KMT5B: variants seen among roughly 807,000 people sequenced by gnomAD.
KMT5B encodes histone-lysine N-methyltransferase KMT5B.
In KMT5B, 10 loss-of-function variants were observed where a neutral mutation model predicts 83.2. The observed-to-expected ratio is 0.12, with a 90% CI of 0.07 to 0.20. The LOEUF is 0.20. Ranked by LOEUF, KMT5B falls within the 10% of genes least tolerant of loss-of-function variation. KMT5B has a pLI of 1.00. For synonymous variants in KMT5B, 349 were observed against 388.8 expected, an observed-to-expected ratio of 0.90 and a Z score of 1.20; for missense variants, 753 against 1,067.2, an observed-to-expected ratio of 0.71 and a Z score of 4.10.
rs906497127 is a variant in KMT5B at position 68,157,305 on chromosome 11, T to C, written c.*383A>G. ...CTTAATATGCTGCTACTATGATTTG[T>C]TTTAAATTATTGTTTAGTCATATAT... On this transcript the variant is annotated 3_prime_UTR_variant, in exon 11 of 11. Transcript: ENST00000304363. 1 of 159,620 alleles carries C rather than the reference T, an allele frequency of 6.3e-6. No homozygotes were observed. Among genetic ancestry groups the C allele is most frequent in the African/African-American group, 2.4e-5 (1 of 41,754 alleles). The allele number at this position is 159,620 out of a possible 1,614,324, so 9.9% of individuals were successfully genotyped here. A position where few individuals can be genotyped will look rare whatever the true frequency, so the allele number is the denominator to read the frequency against.
At chr11:68,211,364 C>T (rs571431976) in intron 1 of KMT5B, among the ~76,000 whole-genome samples, 14 of 152,170 alleles carry the variant, frequency 9.2e-5, no homozygotes, top group South Asian at 4.1e-4. Flanking sequence ...CGCGAGAGCA[C>T]TTGGAAATGA....
rs1236378447 is a variant in KMT5B at position 68,159,052 on chromosome 11, T to C, written c.1294A>G (p.Ile432Val). The C allele has an allele frequency of 1.2e-6, 2 of 1,613,036 alleles. No homozygotes were observed. The highest frequency in any genetic ancestry group is 1.3e-5 in the African/African-American group (1 of 74,858). Residue 432 changes from isoleucine to valine, a missense_variant, in exon 11 of 11, where the codon ATA becomes GTA. Ile to Val is a conservative substitution (Grantham distance 29). Transcript: ENST00000304363. ...SNSTSSKLTHINNSRVPKKLK... is the reference protein window; with the variant it reads ...SNSTSSKLTHVNNSRVPKKLK... ...TTCTTTGGTACCCTGGAATTATTTA[T>C]ATGAGTTAGCTTAGATGAGGTAGAG...
intron 9 of KMT5B, among the ~76,000 whole-genome samples, chr11:68,169,509 C>T (rs1204982773): frequency 6.6e-6 from 1 of 152,200 alleles, no homozygotes; most frequent in Non-Finnish European, 1.5e-5. Context: ...TAACCAGAAA[C>T]CAATTATTGT....
Position 68,202,546 on chromosome 11 carries a change from C to CTTT in KMT5B, c.-77+10589_-77+10591dup, listed in dbSNP as rs71040602. ...TGCCTTCCCTACTAGCTAAGACACA[C>CTTT]TTTTTTTTTTTTTTTTTTTTGAGAC... On this transcript the variant is annotated intron_variant, in intron 1 of 10. Transcript: ENST00000304363. Among the ~76,000 whole-genome samples the CTTT allele has an allele frequency of 1.3e-3, 153 of 121,902 alleles. 2 individuals are homozygous for CTTT. Among genetic ancestry groups the CTTT allele is most frequent in the African/African-American group, 1.5e-3 (48 of 31,828 alleles). 80.0% of individuals were successfully genotyped at this position (121,902 alleles called of 152,430 possible).
chr11:68,160,001 G>C (rs1854714266), intron 10 of KMT5B, among the ~76,000 whole-genome samples: 1 of 152,184 alleles, frequency 6.6e-6, no homozygotes, highest in African/African-American at 2.4e-5. Flanking sequence ...TGACCCTAAT[G>C]GTAATGACAA....
chr11:68,189,816 A>C, intron 2 of KMT5B, 101 bp downstream of exon 2: 4 of 1,254,438 alleles, frequency 3.2e-6, no homozygotes, highest in Non-Finnish European at 4.3e-6. Flanking sequence ...AAATGCAAAA[A>C]ATTATTTAAG....
In KMT5B at chr11:68,156,377, CATT is replaced by C. The variant is rs1859295587; in HGVS notation, c.*1308_*1310del. ...CATAAAGTAGTAATAAAAATTTGCTCATTAAGTTAATTAAAATTAATTTCTCAA... is the reference window on the plus strand; with the variant it reads ...CATAAAGTAGTAATAAAAATTTGCTCAAGTTAATTAAAATTAATTTCTCAA... On this transcript the variant is annotated 3_prime_UTR_variant, in exon 11 of 11. Transcript: ENST00000304363. 6.6e-6 allele frequency: 1 copy of C among 152,556 alleles called. No homozygotes were observed. The highest frequency in any genetic ancestry group is 2.1e-4 in the South Asian group (1 of 4,834). 9.5% of individuals were successfully genotyped at this position (152,556 alleles called of 1,614,324 possible). A position where few individuals can be genotyped will look rare whatever the true frequency, so the allele number is the denominator to read the frequency against.
In KMT5B at chr11:68,159,119, C is replaced by T. The variant is rs1232578132; in HGVS notation, c.1227G>A (p.Thr409=). Residue 409 remains threonine (T), a synonymous_variant, in exon 11 of 11, where the codon ACG becomes ACA. Transcript: ENST00000304363. ...VGVKKNSKSR[T]LTRQSMSRIP... is the part of the protein sequence containing the mutation. Reference sequence around the variant, plus strand: ...TTCTTGACATAGATTGCCTCGTTAACGTTCTGCTCTTGCTATTCTTTTTTA... The same window carrying T: ...TTCTTGACATAGATTGCCTCGTTAATGTTCTGCTCTTGCTATTCTTTTTTA... 1.9e-6 allele frequency: 3 copies of T among 1,594,898 alleles called. No individual in the cohort carries two copies. Among genetic ancestry groups the T allele is most frequent in the Non-Finnish European group, 2.6e-6 (3 of 1,175,448 alleles).
At chr11:68,191,207 G>GTGTGTGTGTGTGTA (rs1275078710) in intron 1 of KMT5B, among the ~76,000 whole-genome samples, 1 of 151,436 alleles carries the variant, frequency 6.6e-6, no homozygotes, top group East Asian at 1.9e-4. Context: ...GTGTGTGTGT[G>GTGTGTGTGTGTGTA]TAGAGACGAG....
intron 1 of KMT5B, among the ~76,000 whole-genome samples, chr11:68,198,376 A>G (rs1326399885): frequency 6.6e-6 from 1 of 152,156 alleles, no homozygotes; most frequent in East Asian, 1.9e-4. Context: ...CGACACAGCA[A>G]GACTGTGAAA....
At chr11:68,180,110 GT>G in intron 4 of KMT5B, 21 bp downstream of exon 4, 1 of 1,571,284 alleles carries the variant, frequency 6.4e-7, no homozygotes, top group Non-Finnish European at 8.7e-7. Context: ...GTATCTCATT[GT>G]TTTTAACACA....
At chr11:68,160,832 A>T (rs2153042358) in intron 10 of KMT5B, among the ~76,000 whole-genome samples, 1 of 152,330 alleles carries the variant, frequency 6.6e-6, no homozygotes, top group East Asian at 1.9e-4. Flanking sequence ...CTGTAATCCC[A>T]GCTACTGGGG....
chr11:68,190,247 T>C (rs1305902550), intron 1 of KMT5B, 95 bp from the exon 2 acceptor site: 2 of 617,334 alleles, frequency 3.2e-6, no homozygotes, highest in Non-Finnish European at 5.6e-6. Flanking sequence ...TATATAATAT[T>C]AAAAGGACAG....
At chr11:68,170,245 C>G (rs948412374) in intron 9 of KMT5B, among the ~76,000 whole-genome samples, 2 of 152,214 alleles carry the variant, frequency 1.3e-5, no homozygotes, top group African/African-American at 4.8e-5. Flanking sequence ...TTCTGGTACT[C>G]GCAATGTGGG....
chr11:68,191,805 G>A (rs1320938208), intron 1 of KMT5B, among the ~76,000 whole-genome samples: 1 of 152,182 alleles, frequency 6.6e-6, no homozygotes, highest in Non-Finnish European at 1.5e-5. Flanking sequence ...AGTGTACGGT[G>A]TTAATAAAGT....
rs71040600 is a variant in KMT5B at position 68,191,173 on chromosome 11, T to TTGTGTGTGTGTGTGTGTGTG, written c.-76-1041_-76-1022dup. On this transcript the variant is annotated intron_variant, in intron 1 of 10. Transcript: ENST00000304363. ...ACCACATCCAGTTAATTTTAAAACT[T>TTGTGTGTGTGTGTGTGTGTG]TGTGTGTGTGTGTGTGTGTGTGTGT... Among the ~76,000 whole-genome samples, 417 of 139,260 alleles carry TTGTGTGTGTGTGTGTGTGTG rather than the reference T, an allele frequency of 3.0e-3. 3 individuals carry two copies. Among genetic ancestry groups the TTGTGTGTGTGTGTGTGTGTG allele is most frequent in the Middle Eastern group, 0.011 (3 of 282 alleles). The allele number at this position is 139,260 out of a possible 152,430, so 91.4% of individuals were successfully genotyped here.
intron 1 of KMT5B, among the ~76,000 whole-genome samples, chr11:68,198,761 G>A (rs944829801): frequency 9.2e-5 from 14 of 151,994 alleles, no homozygotes; most frequent in African/African-American, 3.1e-4. Context: ...ACGGAGTCTC[G>A]CTCTGTTGCC....
chr11:68,183,496 T>C (rs1857146852), intron 3 of KMT5B, among the ~76,000 whole-genome samples: 1 of 152,036 alleles, frequency 6.6e-6, no homozygotes, highest in Non-Finnish European at 1.5e-5. Context: ...TAGCTGGGAC[T>C]ACAGGCGCAT....
intron 6 of KMT5B, among the ~76,000 whole-genome samples, chr11:68,172,980 G>A (rs912384464): frequency 6.6e-6 from 1 of 152,016 alleles, no homozygotes; most frequent in Non-Finnish European, 1.5e-5. Flanking sequence ...GGCATGATAG[G>A]AAAGAAGATA....
Sources: allele counts gnomAD v4.1 joint callset (sites outside exome capture counted in the v4.1 genomes callset), GRCh38; gene constraint gnomAD v4.1.1; transcripts MANE v1.5; gene names NCBI Gene and HGNC (gene_info 2026-07-23, HGNC 2026-07-21).